Variants in KIAA0753 observed in about 807,000 individuals in gnomAD.
The protein encoded by KIAA0753 is KIAA0753, also known as protein moonraker.
A neutral mutation model predicts 116.9 loss-of-function variants in KIAA0753; 114 were observed. That is an observed-to-expected ratio of 0.98 (90% CI 0.84 to 1.14). KIAA0753 has a LOEUF of 1.14. Ranked by LOEUF, KIAA0753 falls within the 50% of genes most tolerant of loss-of-function variation. The pLI, the probability that KIAA0753 is intolerant of heterozygous loss-of-function variation, is 0.00. For missense variants in KIAA0753, 1,156 were observed against 1,172.4 expected (o/e 0.99, Z 0.20); for synonymous variants, 405 against 413.1 (o/e 0.98, Z 0.24).
intron 8 of KIAA0753, 136 bp from the exon 9 acceptor site, chr17:6,610,296 T>G: frequency 1.9e-5 from 12 of 626,020 alleles, no homozygotes; most frequent in South Asian, 6.7e-5. Flanking sequence ...GAAAGCACTG[T>G]GGCAGAAATT....
intron 16 of KIAA0753, among the ~76,000 whole-genome samples, chr17:6,594,767 A>G (rs1969344501): frequency 6.6e-6 from 1 of 152,242 alleles, no homozygotes; most frequent in Non-Finnish European, 1.5e-5. Flanking sequence ...GTGTGCTGAT[A>G]TGTGCAACTT....
chr17:6,627,484 G>GTT (rs1971744091), intron 3 of KIAA0753, among the ~76,000 whole-genome samples: 1 of 151,968 alleles, frequency 6.6e-6, no homozygotes, highest in African/African-American at 2.4e-5. Flanking sequence ...GCTGGGCTTG[G>GTT]TTCCCTACTT....
At chr17:6,638,244 C>G (rs1222470169) in intron 1 of KIAA0753, 1 of 153,010 alleles carries the variant, frequency 6.5e-6, no homozygotes, top group Non-Finnish European at 1.5e-5. Context: ...CCCCGCCAGA[C>G]CACAGCTCCT....
chr17:6,630,353 G>A (rs573970866), intron 2 of KIAA0753, among the ~76,000 whole-genome samples: 1 of 152,256 alleles, frequency 6.6e-6, no homozygotes, highest in East Asian at 1.9e-4. Context: ...GCTGTGGGAA[G>A]CAGGCGCCCT....
chr17:6,586,350 C>T (rs1968574947), intron 18 of KIAA0753, among the ~76,000 whole-genome samples: 1 of 152,212 alleles, frequency 6.6e-6, no homozygotes, highest in Non-Finnish European at 1.5e-5. Context: ...AATACACCTA[C>T]ACCCATGCAT....
intron 7 of KIAA0753, among the ~76,000 whole-genome samples, chr17:6,619,444 T>A (rs763821888): frequency 7.9e-5 from 12 of 152,080 alleles, no homozygotes; most frequent in Non-Finnish European, 1.2e-4. Flanking sequence ...TTTTTTTTTT[T>A]AAATCAAGGG....
chr17:6,622,816 G>A (rs1345164378), intron 6 of KIAA0753, 66 bp downstream of exon 6: 10 of 1,364,422 alleles, frequency 7.3e-6, no homozygotes, highest in East Asian at 6.9e-5. Context: ...AAATCCTAAC[G>A]AAACTAGGTA....
intron 7 of KIAA0753, among the ~76,000 whole-genome samples, chr17:6,618,102 CAAAAAAAG>C (rs1446654341): frequency 2.0e-5 from 3 of 149,376 alleles, no homozygotes; most frequent in African/African-American, 2.5e-5. Flanking sequence ...GACTCGGTCT[CAAAAAAAG>C]AAAAAAAGAA....
At chr17:6,612,203 G>C in intron 7 of KIAA0753, 55 bp from the exon 8 acceptor site, 1 of 1,313,822 alleles carries the variant, frequency 7.6e-7, no homozygotes, top group Non-Finnish European at 1.1e-6. Context: ...AAATCAAATT[G>C]CTGAGAATGA....
chr17:6,624,182 A>C (rs1403295443), intron 4 of KIAA0753, among the ~76,000 whole-genome samples: 1 of 152,238 alleles, frequency 6.6e-6, no homozygotes, highest in African/African-American at 2.4e-5. Context: ...ACACTTTTTA[A>C]AAATCCATCA....
At chr17:6,591,040 G>A (rs1306668787) in intron 16 of KIAA0753, among the ~76,000 whole-genome samples, 3 of 99,996 alleles carry the variant, frequency 3.0e-5, no homozygotes, top group Non-Finnish European at 6.2e-5. Context: ...GAAGGAAGAA[G>A]GAAGAAGAAG....
At chr17:6,610,509 T>A (rs1970463909) in intron 8 of KIAA0753, among the ~76,000 whole-genome samples, 1 of 138,072 alleles carries the variant, frequency 7.2e-6, no homozygotes, top group Non-Finnish European at 1.5e-5. Context: ...TTTTTTCTTT[T>A]CTTTCTCTTT....
Position 6,633,539 on chromosome 17 carries a change from T to G in KIAA0753, c.93+1472A>C, listed in dbSNP as rs553843885. Among the ~76,000 whole-genome samples the G allele has an allele frequency of 3.3e-5, 5 of 152,278 alleles. No individual in the cohort carries two copies. In the South Asian group the frequency reaches 1.0e-3, roughly 32 times the overall value. ...GACTCAGCAATTTCACTGTTGGATA[T>G]TTACCCAAAAGAAATGAAAACATGT... On this transcript the variant is annotated intron_variant, in intron 2 of 18. Transcript: ENST00000361413.
chr17:6,579,960 A>T, intron 18 of KIAA0753, 96 bp from the exon 19 acceptor site: 1 of 825,188 alleles, frequency 1.2e-6, no homozygotes, highest in Non-Finnish European at 2.0e-6. Flanking sequence ...AGATGGACAG[A>T]TCACCTGAGG....
At chr17:6,623,593 A>G (rs1221666166) in intron 4 of KIAA0753, 22 bp from the exon 5 acceptor site, 4 of 1,602,560 alleles carry the variant, frequency 2.5e-6, no homozygotes, top group Non-Finnish European at 3.4e-6. Context: ...AGGGGAAAAA[A>G]GAAAACTTCA....
chr17:6,605,922 T>G (rs1205672220), intron 12 of KIAA0753, among the ~76,000 whole-genome samples: 1 of 152,200 alleles, frequency 6.6e-6, no homozygotes, highest in East Asian at 1.9e-4. Flanking sequence ...ACACAGAGGA[T>G]GAAGCTTTTG....
At chr17:6,624,969 T>A in intron 3 of KIAA0753, 108 bp from the exon 4 acceptor site, 1 of 763,638 alleles carries the variant, frequency 1.3e-6, no homozygotes, top group South Asian at 1.8e-5. Context: ...TCTCTGGTTT[T>A]ATTAAGAAAA....
rs192301856 is a variant in KIAA0753, at chr17:6,603,015, G to A, written c.2010-2557C>T. On this transcript the variant is annotated intron_variant, in intron 12 of 18. Coordinates refer to ENST00000361413, the MANE Select transcript of KIAA0753 (RefSeq NM_014804.3). ...AGAAGGACAGGCGACCACTAAGTAA[G>A]AGATATTTGGAGAATATAATAGAGC... is the stretch of plus-strand genomic sequence containing the variant. Among the ~76,000 whole-genome samples, 41 of 152,290 alleles carry A rather than the reference G, an allele frequency of 2.7e-4. No individual in the cohort carries two copies. The East Asian group carries it at 6.4e-3, about 24-fold the overall frequency.
intron 12 of KIAA0753, among the ~76,000 whole-genome samples, chr17:6,603,975 C>A (rs191280763): frequency 6.6e-6 from 1 of 152,082 alleles, no homozygotes; most frequent in African/African-American, 2.4e-5. Flanking sequence ...TACAAAAAAG[C>A]AGAGTGACAC....
Sources: allele counts gnomAD v4.1 joint callset (sites outside exome capture counted in the v4.1 genomes callset), GRCh38; gene constraint gnomAD v4.1.1; transcripts MANE v1.5; gene names NCBI Gene and HGNC (gene_info 2026-07-23, HGNC 2026-07-21).